The following SLC24A2 variants were observed in gnomAD, a reference collection of about 807,000 sequenced individuals.
SLC24A2 encodes the protein sodium/potassium/calcium exchanger 2.
SLC24A2 carries 36 observed loss-of-function variants against 62.0 expected under a neutral mutation model. The ratio of observed to expected loss-of-function variants is 0.58; its 90% CI spans 0.44 to 0.77. SLC24A2 has a LOEUF of 0.77. Among genes scored for constraint, SLC24A2 ranks in the 30% least tolerant of loss-of-function variants. SLC24A2 has a pLI of 0.00. For synonymous variants in SLC24A2, 358 were observed against 294.0 expected (o/e 1.22, Z -2.23); for missense variants, 846 against 817.9 (o/e 1.03, Z -0.42).
At chr9:20,296,834 G>A in the SLC24A2 span, among the ~76,000 whole-genome samples, 1 of 152,172 alleles carries the variant, frequency 6.6e-6, no homozygotes, top group South Asian at 2.1e-4. Context: ...GTTCATAACT[G>A]TTATGCTCTC....
At chr9:19,604,195 G>C (rs538974173) in intron 4 of SLC24A2, among the ~76,000 whole-genome samples, 3 of 152,188 alleles carry the variant, frequency 2.0e-5, no homozygotes, top group South Asian at 2.1e-4. Context: ...TCCCATTTTA[G>C]TGTTCTAATT....
intron 2 of SLC24A2, among the ~76,000 whole-genome samples, chr9:19,650,690 G>A (rs1461365825): frequency 1.3e-5 from 2 of 150,980 alleles, no homozygotes; most frequent in Non-Finnish European, 2.9e-5. Context: ...AGACAGCCAG[G>A]CCATCTGCAG....
chr9:20,006,255 G>A, the SLC24A2 span, among the ~76,000 whole-genome samples: 95 of 151,426 alleles, frequency 6.3e-4, 2 homozygotes, highest in East Asian at 0.017. Flanking sequence ...CCATATTCAT[G>A]TTATTAAATA....
chr9:20,112,100 T>C, the SLC24A2 span, among the ~76,000 whole-genome samples: 1 of 152,202 alleles, frequency 6.6e-6, no homozygotes, highest in Admixed American at 6.5e-5. Flanking sequence ...CATAAAATTA[T>C]TGGTAATTGG....
At chr9:20,056,050 C>A in the SLC24A2 span, among the ~76,000 whole-genome samples, 2 of 151,926 alleles carry the variant, frequency 1.3e-5, no homozygotes, top group African/African-American at 2.4e-5. Context: ...TAATAAGAAC[C>A]TAACATGTTC....
rs557724848 is a variant in SLC24A2 at position 19,587,253 on chromosome 9, C to T, written c.1129+9976G>A. Among the ~76,000 whole-genome samples the T allele has an allele frequency of 2.0e-5, 3 of 152,194 alleles. No individual in the cohort carries two copies. In the East Asian group the frequency reaches 5.8e-4, roughly 29 times the overall value. ...AAAAACAGAATCAAACAAAATAATT[C>T]TTTCTTTTGAGGAACCTATATATTA... is the stretch of plus-strand genomic sequence containing the variant. On this transcript the variant is annotated intron_variant, in intron 5 of 10. Coordinates refer to ENST00000341998, the MANE Select transcript of SLC24A2 (RefSeq NM_020344.4).
intron 2 of SLC24A2, among the ~76,000 whole-genome samples, chr9:19,653,247 C>G (rs1818850152): frequency 6.6e-6 from 1 of 152,194 alleles, no homozygotes; most frequent in South Asian, 2.1e-4. Context: ...AGAAGTGTGT[C>G]CACACTCTCC....
chr9:19,779,544 A>C (rs772103151), intron 2 of SLC24A2, among the ~76,000 whole-genome samples: 11 of 152,190 alleles, frequency 7.2e-5, no homozygotes, highest in Non-Finnish European at 1.3e-4. Flanking sequence ...AAGTAAATAA[A>C]AATCAGGTGC....
the SLC24A2 span, among the ~76,000 whole-genome samples, chr9:19,920,638 G>A: frequency 1.3e-5 from 2 of 152,148 alleles, no homozygotes; most frequent in African/African-American, 2.4e-5. Flanking sequence ...TTTATCTGCC[G>A]TCTCCCTGGG....
At chr9:20,072,291 G>A in the SLC24A2 span, among the ~76,000 whole-genome samples, 1 of 152,098 alleles carries the variant, frequency 6.6e-6, no homozygotes, top group Non-Finnish European at 1.5e-5. Context: ...GTATGGGGCA[G>A]GACCCTCTGT....
chr9:19,896,120 A>G, the SLC24A2 span: 12 of 577,574 alleles, frequency 2.1e-5, no homozygotes, highest in Admixed American at 3.0e-5. Flanking sequence ...CTCCTGGACA[A>G]TGAGCAGCTC....
the SLC24A2 span, among the ~76,000 whole-genome samples, chr9:20,105,778 A>G: frequency 6.6e-6 from 1 of 152,104 alleles, no homozygotes; most frequent in Non-Finnish European, 1.5e-5. Flanking sequence ...CTAACATCAC[A>G]ATTAAAAGAA....
At chr9:20,215,490 T>C in the SLC24A2 span, among the ~76,000 whole-genome samples, 2 of 152,196 alleles carry the variant, frequency 1.3e-5, no homozygotes, top group African/African-American at 2.4e-5. Flanking sequence ...AAAAAAAGTC[T>C]AGCTATAGCA....
At chr9:19,749,968 T>C (rs1011815657) in intron 2 of SLC24A2, among the ~76,000 whole-genome samples, 3 of 152,158 alleles carry the variant, frequency 2.0e-5, no homozygotes, top group Non-Finnish European at 2.9e-5. Flanking sequence ...CAGAGGAATA[T>C]ACCAAGTTGG....
the SLC24A2 span, among the ~76,000 whole-genome samples, chr9:20,104,723 C>T: frequency 4.6e-5 from 7 of 152,278 alleles, no homozygotes; most frequent in African/African-American, 1.7e-4. Context: ...AAGGAACAAC[C>T]AGTACCAGCC....
the SLC24A2 span, among the ~76,000 whole-genome samples, chr9:20,093,533 G>A: frequency 6.6e-6 from 1 of 152,098 alleles, no homozygotes; most frequent in East Asian, 1.9e-4. Flanking sequence ...CCAAAAATAT[G>A]TAAGACTTCT....
At chr9:19,754,804 C>A (rs557622427) in intron 2 of SLC24A2, among the ~76,000 whole-genome samples, 3 of 152,018 alleles carry the variant, frequency 2.0e-5, no homozygotes, top group African/African-American at 7.3e-5. Flanking sequence ...GGCAGCATCC[C>A]GATTCCTCTC....
Position 19,599,858 on chromosome 9 carries a change from G to A in SLC24A2, c.1079-2579C>T, listed in dbSNP as rs12001168. On this transcript the variant is annotated intron_variant, in intron 4 of 10. Coordinates refer to ENST00000341998, the MANE Select transcript of SLC24A2 (RefSeq NM_020344.4). This position sits in a 1 kb window ranked among gnomAD's most constrained non-coding sequence, Gnocchi z 4.5. ...GTCTTGCTGAGAGGACCCGGGAGGC[G>A]CTCACCGGCATAGGAATGTGGCTTG... 0.19 allele frequency among the ~76,000 whole-genome samples: 28,139 copies of A among 152,064 alleles called. 2,830 individuals are homozygous for A. Among genetic ancestry groups the A allele is most frequent in the East Asian group, 0.3 (1,529 of 5,156 alleles).
At chr9:19,846,549 C>T in the SLC24A2 span, among the ~76,000 whole-genome samples, 6 of 152,106 alleles carry the variant, frequency 3.9e-5, no homozygotes, top group Non-Finnish European at 8.8e-5. Context: ...ATCTAACTTG[C>T]CACTCTGCCT....
Sources: allele counts gnomAD v4.1 joint callset (sites outside exome capture counted in the v4.1 genomes callset), GRCh38; gene constraint gnomAD v4.1.1; non-coding constraint Gnocchi (gnomAD v3.1); transcripts MANE v1.5; gene names NCBI Gene and HGNC (gene_info 2026-07-23, HGNC 2026-07-21).